Variants in IGSF10 observed in about 807,000 individuals in gnomAD.
The protein encoded by IGSF10 is calvaria mechanical force protein 608.
IGSF10 carries 126 observed loss-of-function variants against 128.2 expected under a neutral mutation model. The observed-to-expected ratio is 0.98, with a 90% CI of 0.85 to 1.14. The LOEUF (loss-of-function observed/expected upper bound fraction) is 1.14, where lower values mean the gene tolerates loss of function less well. Among genes scored for constraint, IGSF10 ranks in the 50% most tolerant of loss-of-function variants. IGSF10 has a pLI of 0.00. For missense variants in IGSF10, 3,295 were observed against 3,149.8 expected, an observed-to-expected ratio of 1.05 and a Z score of -1.10; for synonymous variants, 1,185 against 1,146.2, an observed-to-expected ratio of 1.03 and a Z score of -0.68.
the IGSF10 span, among the ~76,000 whole-genome samples, chr3:151,592,766 C>A: frequency 1.3e-5 from 2 of 152,080 alleles, no homozygotes; most frequent in African/African-American, 4.8e-5. Flanking sequence ...CAATGTTGTG[C>A]ACATTTTAAG....
rs774218644 is a variant in IGSF10 at position 151,437,497 on chromosome 3, G to T, written c.7064C>A (p.Thr2355Lys). The T allele has an allele frequency of 6.2e-7, 1 of 1,614,188 alleles. No individual in the cohort carries two copies. Among genetic ancestry groups the T allele is most frequent in the Non-Finnish European group, 8.5e-7 (1 of 1,180,044 alleles). The change falls in exon 8 of 8, where the codon ACA becomes AAA. Residue 2355 changes from threonine to lysine, a missense_variant. Coordinates refer to ENST00000282466, the MANE Select transcript of IGSF10 (RefSeq NM_178822.5). ...EKIVAQLGKS[T>K]ALNCSVDGNP... is the part of the protein sequence containing the mutation. ...ACCATCAACAGAGCAATTCAATGCT[G>T]TGGACTTTCCCAGCTGGGCAACTAT...
the IGSF10 span, among the ~76,000 whole-genome samples, chr3:151,596,491 TG>T: frequency 1.9e-4 from 29 of 152,162 alleles, no homozygotes; most frequent in African/African-American, 6.8e-4. Context: ...TGTGTGTGTG[TG>T]TGTGTATTGT....
chr3:151,457,090 A>C lies in IGSF10; in HGVS notation c.260T>G (p.Met87Arg). Residue 87 changes from methionine (M) to arginine (R), a missense_variant, in exon 4 of 8, where the codon ATG (methionine) becomes AGG (arginine). Physicochemically the swap from Met to Arg is moderately conservative, Grantham distance 91. Transcript: ENST00000282466. Reference protein sequence around the residue: ...FSGLTKLELLMLHSNGIHTIP... With the variant: ...FSGLTKLELLRLHSNGIHTIP... ...TGTGTGAATGCCATTGCTGTGAAGC[A>C]TGAGTAACTCCAGTTTGGTCAGGCC... 1 of 1,614,210 alleles carries C rather than the reference A, an allele frequency of 6.2e-7. No homozygotes were observed. Among genetic ancestry groups the C allele is most frequent in the Non-Finnish European group, 8.5e-7 (1 of 1,180,002 alleles).
At chr3:151,466,629 A>G in the IGSF10 span, among the ~76,000 whole-genome samples, 1 of 152,114 alleles carries the variant, frequency 6.6e-6, no homozygotes, top group Admixed American at 6.6e-5. Context: ...CCCAGGCTGG[A>G]GTGCAATGGC....
chr3:151,607,616 G>T, the IGSF10 span, among the ~76,000 whole-genome samples: 279 of 152,132 alleles, frequency 1.8e-3, 1 homozygote, highest in Non-Finnish European at 1.4e-3. Flanking sequence ...GCATGATTAA[G>T]AAGTGGGAAC....
chr3:151,498,087 A>G, the IGSF10 span, among the ~76,000 whole-genome samples: 125,158 of 152,062 alleles, frequency 0.82, 51,599 homozygotes, highest in Middle Eastern at 0.93. Context: ...AGACAATGGG[A>G]TTTCCTAGAT....
At position 151,449,173 on chromosome 3, in the gene IGSF10, C is replaced by T; in HGVS notation, c.808G>A (p.Ala270Thr). ...NPRTSKGKPL[A>T]MVSAAAFQCA... ...TGGAAAGCTGCAGCTGAGACCATAG[C>T]TAACGGCTTGCCTTTAGAAGTCCTA... is the stretch of plus-strand genomic sequence containing the variant. Residue 270 changes from alanine to threonine, a missense_variant, in exon 6 of 8, where the codon GCT (alanine) becomes ACT (threonine). Physicochemically the swap from Ala to Thr is moderately conservative, Grantham distance 58. Transcript: ENST00000282466. 1.9e-6 allele frequency: 3 copies of T among 1,614,188 alleles called. No individual in the cohort carries two copies. The highest frequency in any genetic ancestry group is 2.5e-6 in the Non-Finnish European group (3 of 1,180,040).
intron 2 of IGSF10, among the ~76,000 whole-genome samples, chr3:151,459,381 G>A (rs927208647): frequency 2.0e-4 from 30 of 151,930 alleles, no homozygotes; most frequent in Admixed American, 1.8e-3. Flanking sequence ...TTTTTTAAAG[G>A]TTGTAATAAT....
the IGSF10 span, among the ~76,000 whole-genome samples, chr3:151,576,849 T>C: frequency 6.6e-6 from 1 of 152,150 alleles, no homozygotes; most frequent in African/African-American, 2.4e-5. Flanking sequence ...AGAAAACTCA[T>C]GAATAATCCA....
chr3:151,445,358 G>C lies in IGSF10; in HGVS notation c.4623C>G (p.Phe1541Leu). Reference protein sequence around the residue: ...NAKFTIGTTHFIYSNLLHSTP... With the variant: ...NAKFTIGTTHLIYSNLLHSTP... ...TAGAATGTAACAGATTAGAGTAGAT[G>C]AAGTGAGTGGTTCCAATTGTGAACT... Residue 1541 changes from phenylalanine (F) to leucine (L), a missense_variant, in exon 6 of 8, where the codon TTC becomes TTG. Transcript: ENST00000282466. The C allele has an allele frequency of 6.2e-7, 1 of 1,614,212 alleles. No homozygotes were observed. The highest frequency in any genetic ancestry group is 8.5e-7 in the Non-Finnish European group (1 of 1,179,998).
At chr3:151,615,263 C>T in the IGSF10 span, among the ~76,000 whole-genome samples, 2 of 152,000 alleles carry the variant, frequency 1.3e-5, no homozygotes, top group African/African-American at 4.8e-5. Context: ...GTAATTTACC[C>T]AAAATGATGG....
chr3:151,611,292 C>A, the IGSF10 span, among the ~76,000 whole-genome samples: 1 of 152,120 alleles, frequency 6.6e-6, no homozygotes, highest in Non-Finnish European at 1.5e-5. Flanking sequence ...TCACTGAAAA[C>A]TCACCAAATG....
At chr3:151,477,821 A>G in the IGSF10 span, among the ~76,000 whole-genome samples, 2 of 152,216 alleles carry the variant, frequency 1.3e-5, no homozygotes, top group African/African-American at 2.4e-5. Flanking sequence ...TGTGGGCCAT[A>G]TGTTCTCTTT....
the IGSF10 span, among the ~76,000 whole-genome samples, chr3:151,511,910 C>T: frequency 6.6e-6 from 1 of 152,156 alleles, no homozygotes; most frequent in African/African-American, 2.4e-5. Context: ...ACAAGAAAAA[C>T]TAACTGTCCT....
the IGSF10 span, among the ~76,000 whole-genome samples, chr3:151,582,043 G>T: frequency 3.3e-5 from 5 of 152,038 alleles, no homozygotes; most frequent in Admixed American, 3.3e-4. Context: ...TCCAGCCTGG[G>T]TGACAGAGTG....
chr3:151,464,557 C>T (rs147186907), upstream of IGSF10, among the ~76,000 whole-genome samples: 13 of 152,272 alleles, frequency 8.5e-5, no homozygotes, highest in African/African-American at 3.1e-4. Context: ...AGTCATAGAT[C>T]ACCTGACAAT....
Position 151,445,733 on chromosome 3 carries a change from A to T in IGSF10, c.4248T>A (p.Asn1416Lys). ...STISFHSRTLNLTDVIEELAQ... is the reference protein window; with the variant it reads ...STISFHSRTLKLTDVIEELAQ... ...CTAGTTCTTCAATCACATCTGTCAG[A>T]TTAAGAGTTCTTGAATGAAAACTGA... Residue 1416 changes from asparagine (N) to lysine (K), a missense_variant, in exon 6 of 8, where the codon AAT (asparagine) becomes AAA (lysine). Physicochemically the swap from Asn to Lys is moderately conservative, Grantham distance 94. Transcript: ENST00000282466. The T allele has an allele frequency of 6.2e-7, 1 of 1,614,042 alleles. No individual in the cohort carries two copies. Among genetic ancestry groups the T allele is most frequent in the South Asian group, 1.1e-5 (1 of 90,922 alleles).
At chr3:151,477,136 T>G in the IGSF10 span, among the ~76,000 whole-genome samples, 45,935 of 151,982 alleles carry the variant, frequency 0.3, 7,510 homozygotes, top group Middle Eastern at 0.39. Context: ...GGATGCTGCT[T>G]TACAAATTTT....
At chr3:151,506,396 C>G in the IGSF10 span, among the ~76,000 whole-genome samples, 1 of 152,114 alleles carries the variant, frequency 6.6e-6, no homozygotes, top group Non-Finnish European at 1.5e-5. Context: ...AAAGGAACAC[C>G]CTGTTAAACT....
Sources: allele counts gnomAD v4.1 joint callset (sites outside exome capture counted in the v4.1 genomes callset), GRCh38; gene constraint gnomAD v4.1.1; transcripts MANE v1.5; gene names NCBI Gene and HGNC (gene_info 2026-07-23, HGNC 2026-07-21).